The following CPPED1 variants were observed in gnomAD, a reference collection of about 807,000 sequenced individuals.
The protein encoded by CPPED1 is calcineurin like phosphoesterase domain containing 1.
In CPPED1, 28 loss-of-function variants were observed where a neutral mutation model predicts 28.0. The observed-to-expected ratio is 1.00, with a 90% CI of 0.74 to 1.37. The LOEUF is 1.37. Ranked by LOEUF, CPPED1 falls within the 40% of genes most tolerant of loss-of-function variation. The pLI, the probability that CPPED1 is intolerant of heterozygous loss-of-function variation, is 0.00. For missense variants in CPPED1, 504 were observed against 416.5 expected (o/e 1.21, Z -1.83); for synonymous variants, 198 against 180.2 (o/e 1.10, Z -0.79).
At chr16:12,713,548 T>C (rs1479891622) in intron 2 of CPPED1, among the ~76,000 whole-genome samples, 1 of 152,066 alleles carries the variant, frequency 6.6e-6, no homozygotes, top group African/African-American at 2.4e-5. Flanking sequence ...GTACTTTTAG[T>C]AGAGACGGGG....
intron 2 of CPPED1, among the ~76,000 whole-genome samples, chr16:12,767,003 A>AT (rs11408805): frequency 0.14 from 21,157 of 149,294 alleles, 1,759 homozygotes; most frequent in African/African-American, 0.23. Flanking sequence ...AGAGGTCCTC[A>AT]TTTTTTTTTT....
rs1295043074 is a variant in CPPED1 at position 12,690,270 on chromosome 16, G to C, written c.715+14354C>G. On this transcript the variant is annotated intron_variant, in intron 3 of 3. Transcript: ENST00000381774. ...CTCATGCGTATAACCACAGCACTTT[G>C]GGAGGCCAAGGCAGGCAGACTGCTT... 4.6e-5 allele frequency among the ~76,000 whole-genome samples: 7 copies of C among 152,230 alleles called. No individual in the cohort carries two copies. In the East Asian group the frequency reaches 1.4e-3, roughly 29 times the overall value.
At chr16:12,675,783 A>G (rs906772486) in intron 3 of CPPED1, among the ~76,000 whole-genome samples, 1 of 152,242 alleles carries the variant, frequency 6.6e-6, no homozygotes, top group African/African-American at 2.4e-5. Context: ...ACCATCACTC[A>G]CACTGAATTT....
chr16:12,759,951 G>A (rs1172074115), intron 2 of CPPED1, among the ~76,000 whole-genome samples: 1 of 152,168 alleles, frequency 6.6e-6, no homozygotes, highest in African/African-American at 2.4e-5. Context: ...AGTACTGGGA[G>A]GTCAGAAAGG....
chr16:12,783,623 A>G (rs2080545606), intron 1 of CPPED1, among the ~76,000 whole-genome samples: 1 of 152,146 alleles, frequency 6.6e-6, no homozygotes, highest in Non-Finnish European at 1.5e-5. Flanking sequence ...TTTAAATTCC[A>G]TGGCCACTTT....
chr16:12,776,702 C>T (rs1044345442), intron 2 of CPPED1, among the ~76,000 whole-genome samples: 7 of 152,080 alleles, frequency 4.6e-5, no homozygotes, highest in Non-Finnish European at 1.0e-4. Flanking sequence ...AGGTGGATCA[C>T]GAGGTCAGGA....
At position 12,682,360 on chromosome 16, in the gene CPPED1, G is replaced by A. The variant is rs1163000225; in HGVS notation, c.716-17245C>T. On this transcript the variant is annotated intron_variant, in intron 3 of 3. Transcript: ENST00000381774. This position sits in a 1 kb window ranked among gnomAD's most constrained non-coding sequence, Gnocchi z 6.1. The stretch of plus-strand genomic sequence containing the variant: ...CCCTTTATTACTTTTCTACATGGGG[G>A]GCTATGCTCAACTTTTTATTTTTTC... Among the ~76,000 whole-genome samples the A allele has an allele frequency of 6.6e-6, 1 of 152,040 alleles. No individual in the cohort carries two copies. Among genetic ancestry groups the A allele is most frequent in the Non-Finnish European group, 1.5e-5 (1 of 68,006 alleles).
intron 2 of CPPED1, among the ~76,000 whole-genome samples, chr16:12,757,106 CAACT>C (rs934190519): frequency 6.6e-6 from 1 of 152,004 alleles, no homozygotes; most frequent in Non-Finnish European, 1.5e-5. Flanking sequence ...TGAGGGTGAC[CAACT>C]AAGTTACAGC....
chr16:12,738,056 C>T (rs1409074942), intron 2 of CPPED1, among the ~76,000 whole-genome samples: 4 of 152,128 alleles, frequency 2.6e-5, no homozygotes, highest in Admixed American at 6.6e-5. Context: ...GCAGATGCGT[C>T]GTGGCTTGGA....
chr16:12,782,407 G>A (rs949399738), intron 1 of CPPED1, among the ~76,000 whole-genome samples: 2 of 152,086 alleles, frequency 1.3e-5, no homozygotes, highest in African/African-American at 2.4e-5. Context: ...GGCTGGACAC[G>A]GCACAGTCTG....
rs140031042 is a variant in CPPED1 at position 12,704,582 on chromosome 16, A to G, written c.715+42T>C. On this transcript the variant is annotated intron_variant, in intron 3 of 3. Coordinates refer to ENST00000381774, the MANE Select transcript of CPPED1 (RefSeq NM_018340.3). ...AAAGATCTGGAAATGCCCTCTCTAGACTTGTCCTTCCTCCCTGAAACCCGT... is the reference window on the plus strand; with the variant it reads ...AAAGATCTGGAAATGCCCTCTCTAGGCTTGTCCTTCCTCCCTGAAACCCGT... 46 of 1,564,720 alleles carry G rather than the reference A, an allele frequency of 2.9e-5. No individual in the cohort carries two copies. The Admixed American group carries it at 7.8e-4, about 27-fold the overall frequency.
At chr16:12,764,031 ATTTT>A (rs34298808) in intron 2 of CPPED1, among the ~76,000 whole-genome samples, 3 of 143,256 alleles carry the variant, frequency 2.1e-5, no homozygotes, top group African/African-American at 5.1e-5. Context: ...TCCCATTTGC[ATTTT>A]TTTTTTTTTT....
intron 2 of CPPED1, chr16:12,757,443 T>C (rs2080377996): frequency 6.6e-6 from 1 of 151,568 alleles, no homozygotes; most frequent in African/African-American, 2.4e-5. Flanking sequence ...ACCCACAAAA[T>C]TGAATGTCTC....
At chr16:12,796,099 C>G (rs115642805) in intron 1 of CPPED1, among the ~76,000 whole-genome samples, 1,808 of 149,740 alleles carry the variant, frequency 0.012, 37 homozygotes, top group African/African-American at 0.041. Flanking sequence ...AAAAAAGCCA[C>G]TGAGTGTCTA....
chr16:12,796,520 A>G (rs964812090), intron 1 of CPPED1, among the ~76,000 whole-genome samples: 26 of 152,078 alleles, frequency 1.7e-4, no homozygotes, highest in Admixed American at 1.1e-3. Context: ...AAAACTCACA[A>G]TGAGATACTA....
intron 2 of CPPED1, among the ~76,000 whole-genome samples, chr16:12,736,875 G>C (rs1170143300): frequency 6.6e-6 from 1 of 152,066 alleles, no homozygotes; most frequent in Admixed American, 6.6e-5. Context: ...AGTGGGGAGG[G>C]GAAGAGCTGC....
chr16:12,756,710 T>TA (rs1239804561), intron 2 of CPPED1, among the ~76,000 whole-genome samples: 1 of 151,730 alleles, frequency 6.6e-6, no homozygotes, highest in African/African-American at 2.4e-5. Context: ...TCTAAAAAAT[T>TA]AAAAAAATAA....
intron 2 of CPPED1, among the ~76,000 whole-genome samples, chr16:12,713,895 C>T (rs78755201): frequency 0.061 from 9,267 of 152,138 alleles, 413 homozygotes; most frequent in Non-Finnish European, 0.079. Context: ...ATTCTCACCA[C>T]CCCAAAATGA....
intron 2 of CPPED1, among the ~76,000 whole-genome samples, chr16:12,749,989 G>C (rs2080317132): frequency 6.6e-6 from 1 of 152,150 alleles, no homozygotes; most frequent in Non-Finnish European, 1.5e-5. Flanking sequence ...ACTATCTATG[G>C]CAGCTACAGC....
Sources: allele counts gnomAD v4.1 joint callset (sites outside exome capture counted in the v4.1 genomes callset), GRCh38; gene constraint gnomAD v4.1.1; non-coding constraint Gnocchi (gnomAD v3.1); transcripts MANE v1.5; gene names NCBI Gene and HGNC (gene_info 2026-07-23, HGNC 2026-07-21).